ZFAND3: variants seen among roughly 807,000 people sequenced by gnomAD.
ZFAND3 encodes the protein zinc finger AN1-type containing 3, also known as AN1-type zinc finger protein 3.
ZFAND3 carries 10 observed loss-of-function variants against 29.6 expected under a neutral mutation model. That is an observed-to-expected ratio of 0.34 (90% confidence interval 0.21 to 0.57). The LOEUF (loss-of-function observed/expected upper bound fraction) is 0.57, where lower values mean the gene tolerates loss of function less well. ZFAND3 is among the 20% of genes least tolerant of loss of function. The pLI, the probability that ZFAND3 is intolerant of heterozygous loss-of-function variation, is 0.86. For synonymous variants in ZFAND3, 128 were observed against 112.6 expected, an observed-to-expected ratio of 1.14 and a Z score of -0.87; for missense variants, 230 against 304.5, an observed-to-expected ratio of 0.76 and a Z score of 1.82.
At chr6:38,103,036 C>T (rs984197899) in intron 4 of ZFAND3, among the ~76,000 whole-genome samples, 1 of 152,116 alleles carries the variant, frequency 6.6e-6, no homozygotes, top group Non-Finnish European at 1.5e-5. Flanking sequence ...GGATTATAGG[C>T]GTGAGCCACC....
chr6:38,054,659 A>G (rs746842534), intron 2 of ZFAND3, among the ~76,000 whole-genome samples: 36 of 152,216 alleles, frequency 2.4e-4, no homozygotes, highest in Non-Finnish European at 4.6e-4. Flanking sequence ...AGAAGATAAT[A>G]TTCATGAAAG....
chr6:37,834,525 A>G (rs766203527), intron 1 of ZFAND3, among the ~76,000 whole-genome samples: 3 of 152,150 alleles, frequency 2.0e-5, no homozygotes, highest in Non-Finnish European at 4.4e-5. Context: ...AAGGAACACA[A>G]CTGCTGGATC....
intron 2 of ZFAND3, among the ~76,000 whole-genome samples, chr6:38,044,273 G>A (rs889631053): frequency 3.9e-5 from 6 of 152,040 alleles, no homozygotes; most frequent in African/African-American, 1.4e-4. Flanking sequence ...TGTCTTTGGT[G>A]CATTTATTTC....
intron 2 of ZFAND3, among the ~76,000 whole-genome samples, chr6:38,018,856 T>C (rs1446533172): frequency 6.6e-6 from 1 of 152,228 alleles, no homozygotes; most frequent in Non-Finnish European, 1.5e-5. Flanking sequence ...ATTTTGATAT[T>C]GCCAAATTGC....
At chr6:38,106,854 T>C (rs1581923014) in intron 4 of ZFAND3, among the ~76,000 whole-genome samples, 1 of 152,242 alleles carries the variant, frequency 6.6e-6, no homozygotes, top group Non-Finnish European at 1.5e-5. Flanking sequence ...GCTGTTGTCA[T>C]GGCCCTGGAC....
At chr6:37,839,041 A>G (rs769464072) in intron 1 of ZFAND3, among the ~76,000 whole-genome samples, 1 of 152,090 alleles carries the variant, frequency 6.6e-6, no homozygotes, top group Non-Finnish European at 1.5e-5. Context: ...TTTGATTTGC[A>G]TTTCCTTAAT....
intron 2 of ZFAND3, among the ~76,000 whole-genome samples, chr6:37,950,379 GTT>G (rs1159316821): frequency 7.3e-6 from 1 of 137,864 alleles, no homozygotes; most frequent in Non-Finnish European, 1.6e-5. Flanking sequence ...TTGTTGACTT[GTT>G]TTTTTTTTTT....
chr6:38,041,127 T>C (rs1340021577), intron 2 of ZFAND3, among the ~76,000 whole-genome samples: 1 of 152,172 alleles, frequency 6.6e-6, no homozygotes, highest in African/African-American at 2.4e-5. Flanking sequence ...CCTCAGTTTG[T>C]GTTTGATGTT....
At chr6:37,893,347 A>G (rs987985308) in intron 1 of ZFAND3, among the ~76,000 whole-genome samples, 1 of 152,244 alleles carries the variant, frequency 6.6e-6, no homozygotes, top group African/African-American at 2.4e-5. Flanking sequence ...CATCATCTCA[A>G]TAGAGGCAGA....
intron 2 of ZFAND3, among the ~76,000 whole-genome samples, chr6:37,979,654 C>T (rs1762548185): frequency 6.6e-6 from 1 of 152,160 alleles, no homozygotes; most frequent in Non-Finnish European, 1.5e-5. Context: ...TGTCTATGTG[C>T]GTCTCAAGCC....
chr6:38,144,703 G>GT (rs1359122489), intron 5 of ZFAND3, among the ~76,000 whole-genome samples: 1 of 152,202 alleles, frequency 6.6e-6, no homozygotes, highest in Non-Finnish European at 1.5e-5. Flanking sequence ...TGCAAATGAG[G>GT]TAAAAACACC....
Position 37,819,895 on chromosome 6 carries a change from C to T in ZFAND3, c.-51C>T, listed in dbSNP as rs1223901200. 4 of 1,146,558 alleles carry T rather than the reference C, an allele frequency of 3.5e-6. No individual in the cohort carries two copies. In the African/African-American group the frequency reaches 4.9e-5, roughly 14 times the overall value. The allele number at this position is 1,146,558 out of a possible 1,614,324, so 71.0% of individuals were successfully genotyped here. On this transcript the variant is annotated 5_prime_UTR_variant, in exon 1 of 6. Coordinates refer to ENST00000287218, the MANE Select transcript of ZFAND3 (RefSeq NM_021943.3). ...CCGCCTCCTCAGAGCGGGGCCCGGGCCCAGCCGCCGCCACCGCTGCCGCCG... is the reference window on the plus strand; with the variant it reads ...CCGCCTCCTCAGAGCGGGGCCCGGGTCCAGCCGCCGCCACCGCTGCCGCCG...
chr6:37,906,530 A>C (rs1195913705), intron 1 of ZFAND3, among the ~76,000 whole-genome samples: 1 of 151,782 alleles, frequency 6.6e-6, no homozygotes, highest in Non-Finnish European at 1.5e-5. Flanking sequence ...ACCTATTTTC[A>C]CTTTTTGGGT....
chr6:37,824,803 T>C (rs1763729933), intron 1 of ZFAND3, among the ~76,000 whole-genome samples: 1 of 152,226 alleles, frequency 6.6e-6, no homozygotes, highest in Non-Finnish European at 1.5e-5. Context: ...TTCATTTTTA[T>C]AATCATTGCT....
At chr6:38,128,572 G>A (rs115685261) in intron 5 of ZFAND3, among the ~76,000 whole-genome samples, 11,241 of 152,152 alleles carry the variant, frequency 0.074, 491 homozygotes, top group African/African-American at 0.12. Flanking sequence ...TTAGGAGTGA[G>A]AACATACAAT....
intron 4 of ZFAND3, among the ~76,000 whole-genome samples, chr6:38,085,588 T>C (rs1764742194): frequency 6.6e-6 from 1 of 152,186 alleles, no homozygotes; most frequent in African/African-American, 2.4e-5. Flanking sequence ...TTCATACATA[T>C]ACTTTTATTT....
At chr6:37,841,823 A>G (rs1764082335) in intron 1 of ZFAND3, among the ~76,000 whole-genome samples, 1 of 152,180 alleles carries the variant, frequency 6.6e-6, no homozygotes, top group Admixed American at 6.5e-5. Flanking sequence ...ACAGTGAAAA[A>G]TACATCTCTC....
intron 2 of ZFAND3, among the ~76,000 whole-genome samples, chr6:38,044,376 T>C (rs1763855866): frequency 6.6e-6 from 1 of 152,204 alleles, no homozygotes; most frequent in South Asian, 2.1e-4. Context: ...GTTAACACTC[T>C]TACTTTTTTT....
intron 5 of ZFAND3, among the ~76,000 whole-genome samples, chr6:38,145,323 G>C (rs1225619293): frequency 6.6e-6 from 1 of 152,212 alleles, no homozygotes; most frequent in African/African-American, 2.4e-5. Context: ...GTTACACCTT[G>C]GAGTGTTCCT....
Sources: allele counts gnomAD v4.1 joint callset (sites outside exome capture counted in the v4.1 genomes callset), GRCh38; gene constraint gnomAD v4.1.1; transcripts MANE v1.5; gene names NCBI Gene and HGNC (gene_info 2026-07-23, HGNC 2026-07-21).